The following TRMT44 variants were observed in gnomAD, a reference collection of about 807,000 sequenced individuals.
The protein encoded by TRMT44 is tRNA methyltransferase 44 homolog, also known as probable tRNA (uracil-O(2)-)-methyltransferase.
In TRMT44, 78 loss-of-function variants were observed where a neutral mutation model predicts 77.3. The observed-to-expected ratio is 1.01, with a 90% CI of 0.84 to 1.22. The LOEUF (loss-of-function observed/expected upper bound fraction) is 1.22, where lower values mean the gene tolerates loss of function less well. Ranked by LOEUF, TRMT44 falls within the 50% of genes most tolerant of loss-of-function variation. The pLI, the probability that TRMT44 is intolerant of heterozygous loss-of-function variation, is 0.00. For synonymous variants in TRMT44, 391 were observed against 383.3 expected, an observed-to-expected ratio of 1.02 and a Z score of -0.23; for missense variants, 1,090 against 964.4, an observed-to-expected ratio of 1.13 and a Z score of -1.73.
At position 8,465,543 on chromosome 4, in the gene TRMT44, G is replaced by GA; in HGVS notation, c.1477dup (p.Ile493AsnfsTer26). 1 of 1,612,922 alleles carries GA rather than the reference G, an allele frequency of 6.2e-7. No homozygotes were observed. The highest frequency in any genetic ancestry group is 8.5e-7 in the Non-Finnish European group (1 of 1,179,578). On this transcript the variant is annotated frameshift_variant, in exon 8 of 11. Coordinates refer to ENST00000389737, the MANE Select transcript of TRMT44 (RefSeq NM_152544.3). LOFTEE classifies it high-confidence loss of function. ...TTCACGTGGACGAAGACTGCCTCAG[G>GA]ATTCCTTCAACCAAAAGAGTATGTC...
intron 2 of TRMT44, among the ~76,000 whole-genome samples, chr4:8,486,812 G>A (rs917118337): frequency 3.3e-5 from 5 of 152,206 alleles, no homozygotes; most frequent in African/African-American, 1.2e-4. Flanking sequence ...ACCGGACGGG[G>A]TGTGAGGAGG....
At position 8,463,964 on chromosome 4, in the gene TRMT44, CTTGTT is replaced by C; in HGVS notation, c.1204-15_1204-11del. ...TACAATGATTCACAAAACATTTCGT[CTTGTT>C]TTGTTATTCCTTTAGGAAGATGCAA... On this transcript the variant is annotated splice_polypyrimidine_tract_variant and intron_variant, in intron 6 of 10. Transcript: ENST00000389737. 1.3e-6 allele frequency: 2 copies of C among 1,590,634 alleles called. No individual in the cohort carries two copies. The highest frequency in any genetic ancestry group is 1.7e-6 in the Non-Finnish European group (2 of 1,159,304).
intron 2 of TRMT44, among the ~76,000 whole-genome samples, chr4:8,482,912 G>T (rs370365234): frequency 1.4e-5 from 2 of 146,336 alleles, no homozygotes; most frequent in African/African-American, 2.5e-5. Context: ...AAATTTTGGG[G>T]GGGGTGGTAT....
At chr4:8,488,520 A>G (rs564165663) in intron 2 of TRMT44, among the ~76,000 whole-genome samples, 14 of 152,372 alleles carry the variant, frequency 9.2e-5, no homozygotes, top group African/African-American at 3.4e-4. Context: ...AAGGACTTTC[A>G]CAAGGTAATG....
At chr4:8,485,621 G>A (rs538996214) in intron 2 of TRMT44, among the ~76,000 whole-genome samples, 3 of 152,206 alleles carry the variant, frequency 2.0e-5, no homozygotes, top group Admixed American at 1.3e-4. Context: ...ATACTTGTGG[G>A]TTAAGGTGGG....
the TRMT44 span, among the ~76,000 whole-genome samples, chr4:8,508,517 T>C: frequency 3.2e-4 from 49 of 152,350 alleles, 1 homozygote; most frequent in East Asian, 7.0e-3. Flanking sequence ...TTGAACCTGA[T>C]GTCTGCTCAG....
At chr4:8,508,521 T>C in the TRMT44 span, among the ~76,000 whole-genome samples, 2 of 152,196 alleles carry the variant, frequency 1.3e-5, 1 homozygote, top group Admixed American at 1.3e-4. Flanking sequence ...ACCTGATGTC[T>C]GCTCAGAGTC....
rs1277268381 is a variant in TRMT44, at chr4:8,465,539, T to A, written c.1472T>A (p.Leu491His). The change falls in exon 8 of 11, where the codon CTC becomes CAC. Residue 491 changes from leucine to histidine, a missense_variant. By Grantham distance (99) the Leu-to-His change is moderately conservative. Coordinates refer to ENST00000389737, the MANE Select transcript of TRMT44 (RefSeq NM_152544.3). ...GGGTTTCACGTGGACGAAGACTGCCTCAGGATTCCTTCAACCAAAAGAGTA... is the reference window on the plus strand; with the variant it reads ...GGGTTTCACGTGGACGAAGACTGCCACAGGATTCCTTCAACCAAAAGAGTA... ...TCGFHVDEDCLRIPSTKRVCL... is the reference protein window; with the variant it reads ...TCGFHVDEDCHRIPSTKRVCL... 6.2e-7 allele frequency: 1 copy of A among 1,613,070 alleles called. No homozygotes were observed. The highest frequency in any genetic ancestry group is 1.1e-5 in the South Asian group (1 of 90,832).
intron 9 of TRMT44, among the ~76,000 whole-genome samples, chr4:8,470,505 G>T (rs924870640): frequency 6.6e-6 from 1 of 152,262 alleles, no homozygotes; most frequent in African/African-American, 2.4e-5. Flanking sequence ...AATGTCACCA[G>T]GTTTTCTGAT....
chr4:8,463,023 GAC>G (rs1282252666), intron 6 of TRMT44, among the ~76,000 whole-genome samples: 9 of 152,188 alleles, frequency 5.9e-5, no homozygotes, highest in African/African-American at 2.2e-4. Flanking sequence ...ACCAGAGAGA[GAC>G]AGAATTTCAG....
chr4:8,470,676 C>T (rs960565760), intron 9 of TRMT44, among the ~76,000 whole-genome samples: 4 of 152,336 alleles, frequency 2.6e-5, no homozygotes, highest in African/African-American at 9.6e-5. Flanking sequence ...ATGGTTGGAG[C>T]AGCCACTGGG....
chr4:8,471,222 C>G (rs911191161), intron 10 of TRMT44, 22 bp downstream of exon 10: 3 of 1,465,028 alleles, frequency 2.0e-6, no homozygotes, highest in Non-Finnish European at 2.8e-6. Flanking sequence ...GCCTCTCCCC[C>G]GCCGTTCTTT....
intron 3 of TRMT44, 112 bp downstream of exon 3, chr4:8,450,000 C>T (rs533474285): frequency 4.7e-6 from 3 of 633,204 alleles, no homozygotes; most frequent in Non-Finnish European, 7.1e-6. Context: ...TGTCACCCCC[C>T]CAAAAAAAAG....
the TRMT44 span, chr4:8,511,777 AC>A: frequency 6.6e-6 from 1 of 151,416 alleles, no homozygotes; most frequent in African/African-American, 2.4e-5. Flanking sequence ...TATGGTAGTG[AC>A]AAAAACTTCG....
the TRMT44 span, among the ~76,000 whole-genome samples, chr4:8,504,256 T>C: frequency 6.6e-6 from 1 of 152,198 alleles, no homozygotes; most frequent in East Asian, 1.9e-4. This position sits in a 1 kb window ranked among gnomAD's most constrained non-coding sequence, Gnocchi z 5.3. Context: ...ATGGCCCACC[T>C]AAGTCTCCTG....
Position 8,492,363 on chromosome 4 carries a change from C to G in TRMT44, n.3892-903C>G, listed in dbSNP as rs143246654. Among the ~76,000 whole-genome samples the G allele has an allele frequency of 3.1e-3, 474 of 152,266 alleles. 3 individuals carry two copies. Among genetic ancestry groups the G allele is most frequent in the African/African-American group, 0.011 (463 of 41,548 alleles). ...ACATACTTTTTGCTCTGGCCATGACCGCCGTGGTGCTGAAACCGCCTCTGC... is the reference window on the plus strand; with the variant it reads ...ACATACTTTTTGCTCTGGCCATGACGGCCGTGGTGCTGAAACCGCCTCTGC... On this transcript the variant is annotated intron_variant and non_coding_transcript_variant, in intron 2 of 2. Coordinates refer to the TRMT44 transcript ENST00000511366.
downstream of TRMT44, among the ~76,000 whole-genome samples, chr4:8,498,457 C>G (rs1728213760): frequency 6.6e-6 from 1 of 152,172 alleles, no homozygotes; most frequent in African/African-American, 2.4e-5. This position sits in a 1 kb window ranked among gnomAD's most constrained non-coding sequence, Gnocchi z 4.3. Context: ...TGCTCAGCTT[C>G]TGGGGAGGCC....
Position 8,468,314 on chromosome 4 carries a change from G to T in TRMT44, c.1895G>T (p.Arg632Leu). The change falls in exon 9 of 11, where the codon CGA (arginine) becomes CTA (leucine). Residue 632 changes from arginine (R) to leucine (L), a missense_variant. Transcript: ENST00000389737. Reference sequence around the variant, plus strand: ...AAGCAATTAAACACAAGAAGTTCTCGAAATGGGAGTTTGAAGACCTGGAAT... The same window carrying T: ...AAGCAATTAAACACAAGAAGTTCTCTAAATGGGAGTTTGAAGACCTGGAAT... ...GGKQLNTRSS[R>L]NGSLKTWNGG... The T allele has an allele frequency of 1.2e-6, 2 of 1,614,168 alleles. No individual in the cohort carries two copies. Among genetic ancestry groups the T allele is most frequent in the Non-Finnish European group, 8.5e-7 (1 of 1,180,042 alleles).
At position 8,476,275 on chromosome 4, in the gene TRMT44, G is replaced by A. The variant is rs35615188; in HGVS notation, c.*274G>A. The A allele has an allele frequency of 0.022, 11,171 of 502,238 alleles. 219 individuals carry two copies. Among genetic ancestry groups the A allele is most frequent in the South Asian group, 0.048 (2,157 of 44,516 alleles). 31.1% of individuals were successfully genotyped at this position (502,238 alleles called of 1,614,324 possible). A position where few individuals can be genotyped will look rare whatever the true frequency, so the allele number is the denominator to read the frequency against. ...TCTTCATATCATAAAGATTGTGCAC[G>A]GATCCTTACAATGTCTCCTGGGGGA... On this transcript the variant is annotated 3_prime_UTR_variant, in exon 11 of 11. Coordinates refer to ENST00000389737, the MANE Select transcript of TRMT44 (RefSeq NM_152544.3).
Sources: allele counts gnomAD v4.1 joint callset (sites outside exome capture counted in the v4.1 genomes callset), GRCh38; gene constraint gnomAD v4.1.1; non-coding constraint Gnocchi (gnomAD v3.1); transcripts MANE v1.5; gene names NCBI Gene and HGNC (gene_info 2026-07-23, HGNC 2026-07-21).